ERO1A: variants seen among roughly 807,000 people sequenced by gnomAD.
The protein encoded by ERO1A is ERO1-like protein alpha.
ERO1A carries 49 observed loss-of-function variants against 76.9 expected under a neutral mutation model. The observed-to-expected ratio is 0.64, with a 90% CI of 0.51 to 0.81. ERO1A has a LOEUF of 0.81. ERO1A is among the 30% of genes least tolerant of loss of function. ERO1A has a pLI of 0.00. For missense variants in ERO1A, 448 were observed against 542.1 expected, an observed-to-expected ratio of 0.83 and a Z score of 1.72; for synonymous variants, 174 against 181.2, an observed-to-expected ratio of 0.96 and a Z score of 0.32.
intron 3 of ERO1A, among the ~76,000 whole-genome samples, chr14:52,681,544 A>C (rs2040994785): frequency 6.6e-6 from 1 of 152,162 alleles, no homozygotes; most frequent in Admixed American, 6.5e-5. Context: ...CGGAGGTTGC[A>C]GTGACCTGAG....
chr14:52,691,123 A>C (rs1054030281), intron 1 of ERO1A, among the ~76,000 whole-genome samples: 1 of 152,176 alleles, frequency 6.6e-6, no homozygotes. Context: ...AAATAAATCA[A>C]TGTGCTCAAA....
rs928140761 is a variant in ERO1A at position 52,641,307 on chromosome 14, TAAAA to T, written c.*2259_*2262del. 4 of 144,514 alleles carry T rather than the reference TAAAA, an allele frequency of 2.8e-5. No individual in the cohort carries two copies. The highest frequency in any genetic ancestry group is 1.0e-4 in the African/African-American group (4 of 39,524). The allele number at this position is 144,514 out of a possible 1,614,324, so 9.0% of individuals were successfully genotyped here. On this transcript the variant is annotated 3_prime_UTR_variant, in exon 16 of 16. Coordinates refer to ENST00000395686, the MANE Select transcript of ERO1A (RefSeq NM_014584.3). ...ATATTCCTTCAAAAAGATTGGCAGC[TAAAA>T]AAAAAAGAGGCCGGGCGTGGTGGCT...
intron 1 of ERO1A, among the ~76,000 whole-genome samples, chr14:52,689,862 A>G (rs1314667558): frequency 4.6e-5 from 7 of 152,218 alleles, no homozygotes; most frequent in Admixed American, 4.6e-4. Context: ...GAAGCAGCCT[A>G]CTTTGTAATT....
chr14:52,648,643 A>C (rs1419373565), intron 13 of ERO1A, among the ~76,000 whole-genome samples: 1 of 152,206 alleles, frequency 6.6e-6, no homozygotes, highest in African/African-American at 2.4e-5. Flanking sequence ...CTCTGTCATG[A>C]GAAGAGGCCT....
chr14:52,665,673 C>T (rs1218789675), intron 7 of ERO1A, among the ~76,000 whole-genome samples: 2 of 152,176 alleles, frequency 1.3e-5, no homozygotes, highest in Admixed American at 6.5e-5. Context: ...TCAAGACTTA[C>T]GTGTGAGTAA....
At chr14:52,643,768 T>A (rs533270678) in intron 15 of ERO1A, 138 bp from the exon 16 acceptor site, 2 of 511,438 alleles carry the variant, frequency 3.9e-6, no homozygotes, top group Non-Finnish European at 6.7e-6. Flanking sequence ...TTAATGTATT[T>A]TAATATATTT....
At chr14:52,683,951 G>A (rs750798982) in intron 1 of ERO1A, 44 bp from the exon 2 acceptor site, 2 of 1,486,098 alleles carry the variant, frequency 1.3e-6, no homozygotes, top group Non-Finnish European at 9.1e-7. Flanking sequence ...TGTCCTAAAT[G>A]CAACAGGGTT....
rs2039538428 is a variant in ERO1A, at chr14:52,643,392, C to G, written c.*178G>C. ...TACTTTTACTCACAGTAGTATTATA[C>G]ATAGACTTAACACAATTTTTAAAAA... On this transcript the variant is annotated 3_prime_UTR_variant, in exon 16 of 16. Transcript: ENST00000395686. 2 of 467,838 alleles carry G rather than the reference C, an allele frequency of 4.3e-6. No homozygotes were observed. Among genetic ancestry groups the G allele is most frequent in the Non-Finnish European group, 7.5e-6 (2 of 266,548 alleles). The allele number at this position is 467,838 out of a possible 1,614,324, so 29.0% of individuals were successfully genotyped here.
rs542427082 is a variant in ERO1A, at chr14:52,695,310, G to A, written c.114+58C>T. Reference sequence around the variant, plus strand: ...GCCGCTCACCCGCCAGGGCGTGCGGGACAGTGCACGCCGCGGAGGGCGCCG... The same window carrying A: ...GCCGCTCACCCGCCAGGGCGTGCGGAACAGTGCACGCCGCGGAGGGCGCCG... On this transcript the variant is annotated intron_variant, in intron 1 of 15. Coordinates refer to ENST00000395686, the MANE Select transcript of ERO1A (RefSeq NM_014584.3). The A allele has an allele frequency of 4.7e-5, 56 of 1,194,892 alleles. No individual in the cohort carries two copies. In the African/African-American group the frequency reaches 6.6e-4, roughly 14 times the overall value. 74.0% of individuals were successfully genotyped at this position (1,194,892 alleles called of 1,614,324 possible).
At chr14:52,668,790 A>T (rs1356311591) in intron 6 of ERO1A, among the ~76,000 whole-genome samples, 1 of 148,392 alleles carries the variant, frequency 6.7e-6, no homozygotes, top group African/African-American at 2.4e-5. Context: ...AATTATAATT[A>T]TAATTATACA....
chr14:52,672,999 C>T (rs1022895981), intron 4 of ERO1A, among the ~76,000 whole-genome samples: 13 of 152,000 alleles, frequency 8.6e-5, no homozygotes, highest in African/African-American at 3.1e-4. Context: ...TATTAAACAC[C>T]ATTTGGACTT....
rs1436806770 is a variant in ERO1A at position 52,641,056 on chromosome 14, G to C, written c.*2514C>G. ...TAAATGAAGAGGCCAAAAGGTGGGGGGTGGTTCAGGAGTGAGCAAAATGTA... is the reference window on the plus strand; with the variant it reads ...TAAATGAAGAGGCCAAAAGGTGGGGCGTGGTTCAGGAGTGAGCAAAATGTA... On this transcript the variant is annotated 3_prime_UTR_variant, in exon 16 of 16. Transcript: ENST00000395686. 2 of 152,128 alleles carry C rather than the reference G, an allele frequency of 1.3e-5. No individual in the cohort carries two copies. Among genetic ancestry groups the C allele is most frequent in the East Asian group, 1.9e-4 (1 of 5,188 alleles). The allele number at this position is 152,128 out of a possible 1,614,324, so 9.4% of individuals were successfully genotyped here. A position where few individuals can be genotyped will look rare whatever the true frequency, so the allele number is the denominator to read the frequency against.
intron 15 of ERO1A, among the ~76,000 whole-genome samples, chr14:52,644,291 G>A (rs2039570748): frequency 6.6e-6 from 1 of 151,684 alleles, no homozygotes; most frequent in Non-Finnish European, 1.5e-5. Context: ...TTCTCTCTAT[G>A]AAAAACAAGA....
intron 15 of ERO1A, among the ~76,000 whole-genome samples, chr14:52,644,599 T>C (rs2039581054): frequency 6.6e-6 from 1 of 152,134 alleles, no homozygotes; most frequent in Admixed American, 6.5e-5. Context: ...ATGCTTAATA[T>C]TAAAGTACGT....
chr14:52,647,735 T>C (rs1023316934), intron 13 of ERO1A, among the ~76,000 whole-genome samples: 1 of 152,062 alleles, frequency 6.6e-6, no homozygotes. Flanking sequence ...TACCAACTGA[T>C]CCTCCAAGAG....
At chr14:52,666,849 T>C (rs1381225938) in intron 6 of ERO1A, among the ~76,000 whole-genome samples, 13 of 152,164 alleles carry the variant, frequency 8.5e-5, no homozygotes, top group Non-Finnish European at 1.6e-4. Context: ...GAGAATCACT[T>C]GAACCCGGGA....
At chr14:52,679,040 T>C (rs1430477552) in intron 3 of ERO1A, among the ~76,000 whole-genome samples, 2 of 152,192 alleles carry the variant, frequency 1.3e-5, no homozygotes, top group Non-Finnish European at 2.9e-5. Flanking sequence ...CTCCTTGCTC[T>C]CTTGCTGTCT....
intron 11 of ERO1A, among the ~76,000 whole-genome samples, chr14:52,656,422 G>C (rs1424525288): frequency 6.6e-6 from 1 of 152,070 alleles, no homozygotes; most frequent in Admixed American, 6.6e-5. Context: ...AATTACTAAT[G>C]AGTTTAGGCC....
intron 3 of ERO1A, among the ~76,000 whole-genome samples, chr14:52,680,982 G>A (rs749531970): frequency 3.9e-5 from 6 of 152,004 alleles, no homozygotes; most frequent in Admixed American, 2.6e-4. Flanking sequence ...CAAAAGAATA[G>A]AAAGTAAAAG....
Sources: allele counts gnomAD v4.1 joint callset (sites outside exome capture counted in the v4.1 genomes callset), GRCh38; gene constraint gnomAD v4.1.1; transcripts MANE v1.5; gene names NCBI Gene and HGNC (gene_info 2026-07-23, HGNC 2026-07-21).